The following SLC44A5 variants were observed in gnomAD, a reference collection of about 807,000 sequenced individuals.
SLC44A5 encodes the protein solute carrier family 44 member 5, also known as choline transporter-like protein 5.
In SLC44A5, 57 loss-of-function variants were observed where a neutral mutation model predicts 101.8. The observed-to-expected ratio is 0.56, with a 90% confidence interval of 0.45 to 0.70. The LOEUF is 0.70. Ranked by LOEUF, SLC44A5 falls within the 30% of genes least tolerant of loss-of-function variation. The probability of loss-of-function intolerance (pLI) is 0.00; values close to 1 mark genes in which losing one functional copy is unlikely to be tolerated. For synonymous variants in SLC44A5, 281 were observed against 290.9 expected (o/e 0.97, Z 0.35); for missense variants, 737 against 853.1 (o/e 0.86, Z 1.70).
chr1:75,615,673 C>T (rs1210367738), upstream of SLC44A5, among the ~76,000 whole-genome samples: 2 of 151,996 alleles, frequency 1.3e-5, no homozygotes, highest in East Asian at 2.0e-4. Flanking sequence ...TCAGTGTCCC[C>T]GGAGGCCAGG....
intron 3 of SLC44A5, among the ~76,000 whole-genome samples, chr1:75,343,009 C>T (rs1314927382): frequency 6.6e-6 from 1 of 151,972 alleles, no homozygotes; most frequent in Non-Finnish European, 1.5e-5. Context: ...CAATAGAGGG[C>T]AGTGCTTTTA....
chr1:75,349,795 G>A (rs1043812920), intron 3 of SLC44A5, among the ~76,000 whole-genome samples: 3 of 152,046 alleles, frequency 2.0e-5, no homozygotes, highest in African/African-American at 4.8e-5. Flanking sequence ...AAATATTATG[G>A]ACTTTGGTAT....
intron 6 of SLC44A5, among the ~76,000 whole-genome samples, chr1:75,263,274 A>C (rs1323380561): frequency 6.6e-6 from 1 of 152,242 alleles, no homozygotes; most frequent in Non-Finnish European, 1.5e-5. Flanking sequence ...TAACTTAAAC[A>C]AATTTACAAG....
At chr1:75,335,813 C>A (rs76638817) in intron 4 of SLC44A5, among the ~76,000 whole-genome samples, 2,067 of 152,220 alleles carry the variant, frequency 0.014, 34 homozygotes, top group South Asian at 0.046. Context: ...AAAGTGCCTC[C>A]CATAAATTAG....
intron 1 of SLC44A5, among the ~76,000 whole-genome samples, chr1:75,603,502 G>A (rs566037446): frequency 4.6e-5 from 7 of 152,006 alleles, no homozygotes; most frequent in Non-Finnish European, 8.8e-5. Flanking sequence ...ATGCCCAGTA[G>A]TGGGATTGCT....
chr1:75,318,460 A>G (rs566394307), intron 4 of SLC44A5, among the ~76,000 whole-genome samples: 1 of 152,336 alleles, frequency 6.6e-6, no homozygotes, highest in Admixed American at 6.5e-5. Flanking sequence ...TATAGATAAA[A>G]GTGAAATATT....
chr1:75,717,201 C>G, the SLC44A5 span, among the ~76,000 whole-genome samples: 2 of 151,764 alleles, frequency 1.3e-5, no homozygotes, highest in African/African-American at 2.4e-5. Flanking sequence ...ATTGGCCCAG[C>G]GCTGTGGCTC....
At chr1:75,234,171 C>G (rs1647860890) in intron 11 of SLC44A5, 73 bp from the exon 12 acceptor site, 2 of 998,500 alleles carry the variant, frequency 2.0e-6, no homozygotes, top group Non-Finnish European at 3.1e-6. Context: ...CAAGACAAAA[C>G]TTTTTTTCTA....
At chr1:75,685,193 G>A in the SLC44A5 span, among the ~76,000 whole-genome samples, 1 of 152,170 alleles carries the variant, frequency 6.6e-6, no homozygotes. Context: ...AAGCCACAAA[G>A]CACTGGGCCT....
chr1:75,678,349 C>A, the SLC44A5 span, among the ~76,000 whole-genome samples: 1 of 152,266 alleles, frequency 6.6e-6, no homozygotes, highest in Admixed American at 6.5e-5. Flanking sequence ...CCTCTGCAGA[C>A]TTAAATGTCC....
chr1:75,479,165 G>A (rs896094564), intron 2 of SLC44A5, among the ~76,000 whole-genome samples: 28 of 152,214 alleles, frequency 1.8e-4, no homozygotes, highest in African/African-American at 6.0e-4. Context: ...GGTACATAAC[G>A]AAATGAAGGC....
At chr1:75,437,267 T>G (rs1051566799) in intron 2 of SLC44A5, among the ~76,000 whole-genome samples, 3 of 152,156 alleles carry the variant, frequency 2.0e-5, no homozygotes, top group Non-Finnish European at 4.4e-5. Flanking sequence ...GCAATCGTTT[T>G]GTTTACAATA....
intron 4 of SLC44A5, among the ~76,000 whole-genome samples, chr1:75,318,754 C>A (rs114621619): frequency 2.0e-5 from 3 of 152,114 alleles, no homozygotes; most frequent in African/African-American, 7.2e-5. Context: ...TCATTTTTGC[C>A]AGCACAACTC....
At chr1:75,229,331 T>A (rs1647351643) in intron 12 of SLC44A5, among the ~76,000 whole-genome samples, 1 of 152,168 alleles carries the variant, frequency 6.6e-6, no homozygotes, top group Admixed American at 6.5e-5. Context: ...CCCTGTTTCA[T>A]TCAGAGTAAA....
rs148330856 is a variant in SLC44A5 at position 75,435,181 on chromosome 1, G to A, written c.14-38560C>T. On this transcript the variant is annotated intron_variant, in intron 2 of 23. Coordinates refer to ENST00000370859, the MANE Select transcript of SLC44A5 (RefSeq NM_001130058.2). ...CATATTTGGTCCAAAATACTTAGAT[G>A]TATTCTGTTCACCCAGGCTACCTCC... is the stretch of plus-strand genomic sequence containing the variant. 2.1e-3 allele frequency among the ~76,000 whole-genome samples: 315 copies of A among 152,212 alleles called. 1 individual carries two copies. Among genetic ancestry groups the A allele is most frequent in the African/African-American group, 6.9e-3 (288 of 41,548 alleles).
intron 2 of SLC44A5, among the ~76,000 whole-genome samples, chr1:75,402,193 C>T (rs1267266818): frequency 6.6e-6 from 1 of 152,082 alleles, no homozygotes; most frequent in Non-Finnish European, 1.5e-5. Flanking sequence ...ACATTTTGGA[C>T]AAATGAGATA....
Position 75,287,416 on chromosome 1 carries a change from C to T in SLC44A5, c.176-12374G>A, listed in dbSNP as rs562312654. ...CTTCTTGAGAAGCTTAATAATTGAC[C>T]TTCTGAATTCTTTTTTTTTTTTTTT... On this transcript the variant is annotated intron_variant, in intron 5 of 23. Coordinates refer to ENST00000370859, the MANE Select transcript of SLC44A5 (RefSeq NM_001130058.2). Among the ~76,000 whole-genome samples, 428 of 99,630 alleles carry T rather than the reference C, an allele frequency of 4.3e-3. 2 individuals carry two copies. Among genetic ancestry groups the T allele is most frequent in the African/African-American group, 0.016 (411 of 25,438 alleles). The allele number at this position is 99,630 out of a possible 152,430, so 65.4% of individuals were successfully genotyped here.
intron 1 of SLC44A5, among the ~76,000 whole-genome samples, chr1:75,552,899 C>T (rs1570597121): frequency 6.6e-6 from 1 of 152,130 alleles, no homozygotes; most frequent in South Asian, 2.1e-4. Context: ...CTTTTCCATG[C>T]TTTCACCTTT....
chr1:75,432,253 C>A (rs191226654), intron 2 of SLC44A5, among the ~76,000 whole-genome samples: 1 of 152,090 alleles, frequency 6.6e-6, no homozygotes, highest in Non-Finnish European at 1.5e-5. Context: ...CAAATTGAAT[C>A]GAAGTATGAA....
Sources: gnomAD v4.1 joint callset for allele counts (sites outside exome capture counted in the v4.1 genomes callset) on GRCh38, gnomAD v4.1.1 for gene constraint, MANE v1.5 for transcripts, NCBI Gene and HGNC (gene_info 2026-07-23, HGNC 2026-07-21) for gene names.